The following RBM6 variants were observed in gnomAD, a reference collection of about 807,000 sequenced individuals.
RBM6 encodes the protein RNA-binding protein 6.
RBM6 carries 23 observed loss-of-function variants against 140.4 expected under a neutral mutation model. The observed-to-expected ratio is 0.16, with a 90% CI of 0.12 to 0.23. RBM6 has a LOEUF of 0.23. RBM6 is among the 10% of genes least tolerant of loss of function. The probability of loss-of-function intolerance (pLI) is 1.00; values close to 1 mark genes in which losing one functional copy is unlikely to be tolerated. For synonymous variants in RBM6, 439 were observed against 475.6 expected (o/e 0.92, Z 1.00); for missense variants, 1,139 against 1,386.7 (o/e 0.82, Z 2.84).
chr3:50,038,261 C>G (rs935412256), intron 6 of RBM6, among the ~76,000 whole-genome samples: 2 of 152,108 alleles, frequency 1.3e-5, no homozygotes, highest in Admixed American at 1.3e-4. Flanking sequence ...CCTCAGTCTG[C>G]TCTCTTGGCT....
At chr3:50,021,740 CTTTTTTTT>C (rs542734328) in intron 6 of RBM6, among the ~76,000 whole-genome samples, 1 of 42,748 alleles carries the variant, frequency 2.3e-5, no homozygotes, top group Non-Finnish European at 4.1e-5. Context: ...AATTTAAGTG[CTTTTTTTT>C]TTTTTTTTTT....
chr3:50,075,156 CAAAA>C (rs376657561), intron 19 of RBM6, 41 bp from the exon 20 acceptor site: 142 of 1,408,504 alleles, frequency 1.0e-4, no homozygotes, highest in Admixed American at 2.2e-4. Flanking sequence ...AACTCCGTCT[CAAAA>C]AAAAAAAAAA....
intron 1 of RBM6, among the ~76,000 whole-genome samples, chr3:49,958,666 G>A (rs1228530195): frequency 4.0e-5 from 6 of 151,690 alleles, no homozygotes; most frequent in Admixed American, 1.3e-4. Context: ...CAGGAGAATG[G>A]CATGAACCCA....
At chr3:50,041,283 C>T (rs144057245) in intron 6 of RBM6, among the ~76,000 whole-genome samples, 1 of 152,236 alleles carries the variant, frequency 6.6e-6, no homozygotes, top group Non-Finnish European at 1.5e-5. Flanking sequence ...GCTCAAAGTG[C>T]AGCTCAGATC....
chr3:49,999,723 G>A (rs1206994407), intron 6 of RBM6, among the ~76,000 whole-genome samples: 1 of 151,366 alleles, frequency 6.6e-6, no homozygotes, highest in Non-Finnish European at 1.5e-5. Flanking sequence ...CATTTTAAAA[G>A]CTAGAGCCCA....
At chr3:49,999,122 G>A (rs150210249) in intron 5 of RBM6, among the ~76,000 whole-genome samples, 1 of 149,662 alleles carries the variant, frequency 6.7e-6, no homozygotes, top group Non-Finnish European at 1.5e-5. Context: ...AAAATGTTTC[G>A]GGTCCCCACG....
chr3:49,982,085 C>G (rs146001049), intron 5 of RBM6, among the ~76,000 whole-genome samples: 1 of 151,934 alleles, frequency 6.6e-6, no homozygotes, highest in Non-Finnish European at 1.5e-5. Context: ...TGCTTTAGCC[C>G]GTCAGTGTTC....
chr3:50,068,810 C>T (rs2090197564), intron 18 of RBM6, 46 bp downstream of exon 18: 1 of 1,540,386 alleles, frequency 6.5e-7, no homozygotes, highest in African/African-American at 1.4e-5. Flanking sequence ...GCTCTTTTTG[C>T]TTTCTGATAT....
rs1046849149 is a variant in RBM6 at position 50,036,522 on chromosome 3, T to TA, written c.1558-11711dup. On this transcript the variant is annotated intron_variant, in intron 6 of 20. Coordinates refer to ENST00000266022, the MANE Select transcript of RBM6 (RefSeq NM_005777.3). ...CCCTCACTCTATACATATCTGCTGTTAAAAAAAAAAAAGTTAAGATATTAT... is the reference window on the plus strand; with the variant it reads ...CCCTCACTCTATACATATCTGCTGTTAAAAAAAAAAAAAGTTAAGATATTAT... Among the ~76,000 whole-genome samples the TA allele has an allele frequency of 7.9e-3, 1,152 of 145,530 alleles. 15 individuals carry two copies. Among genetic ancestry groups the TA allele is most frequent in the African/African-American group, 0.026 (1,051 of 39,938 alleles).
chr3:50,046,688 C>T (rs1182983185), intron 6 of RBM6, among the ~76,000 whole-genome samples: 2 of 152,042 alleles, frequency 1.3e-5, no homozygotes, highest in African/African-American at 4.8e-5. Context: ...GCATACAGAG[C>T]CTGTCTCTTT....
chr3:50,052,049 A>G (rs1472117316), intron 7 of RBM6, among the ~76,000 whole-genome samples: 2 of 152,158 alleles, frequency 1.3e-5, no homozygotes, highest in Non-Finnish European at 2.9e-5. Flanking sequence ...TACACATAAA[A>G]TAGGTAAACT....
At chr3:50,058,360 C>T in intron 9 of RBM6, 42 bp from the exon 10 acceptor site, 7 of 1,556,474 alleles carry the variant, frequency 4.5e-6, no homozygotes, top group Non-Finnish European at 6.2e-6. Flanking sequence ...ATTTATCTTT[C>T]TCTCCCTTGT....
intron 6 of RBM6, among the ~76,000 whole-genome samples, chr3:50,019,400 TATACC>T (rs1195173760): frequency 1.3e-5 from 2 of 152,196 alleles, no homozygotes; most frequent in East Asian, 3.9e-4. Context: ...TTCTAATCCA[TATACC>T]TTTTATGTCC....
At chr3:49,974,586 A>C (rs1442835944) in intron 4 of RBM6, among the ~76,000 whole-genome samples, 1 of 145,408 alleles carries the variant, frequency 6.9e-6, no homozygotes, top group Admixed American at 7.0e-5. Context: ...GTTAGCCAGG[A>C]TGGTCTCAAT....
At chr3:49,950,803 C>T (rs751356827) in intron 1 of RBM6, among the ~76,000 whole-genome samples, 2 of 150,908 alleles carry the variant, frequency 1.3e-5, no homozygotes, top group Non-Finnish European at 3.0e-5. Context: ...AATAGAATTA[C>T]CATGTGATCT....
At chr3:49,995,008 C>T (rs996867618) in intron 5 of RBM6, among the ~76,000 whole-genome samples, 1 of 152,080 alleles carries the variant, frequency 6.6e-6, no homozygotes, top group African/African-American at 2.4e-5. Context: ...TTAAACCATA[C>T]AGGGTTATGT....
intron 6 of RBM6, among the ~76,000 whole-genome samples, chr3:50,000,313 A>G (rs1575652624): frequency 1.4e-5 from 2 of 147,422 alleles, no homozygotes; most frequent in South Asian, 4.3e-4. Context: ...AGGAAAAGAA[A>G]CTTAGGAATA....
intron 6 of RBM6, among the ~76,000 whole-genome samples, chr3:50,016,224 A>G (rs181095174): frequency 6.6e-5 from 10 of 152,308 alleles, no homozygotes; most frequent in Admixed American, 5.2e-4. Context: ...TTTATAATAC[A>G]CTTAGCTAAG....
chr3:50,046,711 C>G (rs1200646232), intron 6 of RBM6, among the ~76,000 whole-genome samples: 1 of 152,124 alleles, frequency 6.6e-6, no homozygotes, highest in African/African-American at 2.4e-5. Context: ...TGATTGGTCC[C>G]TAAGGCCAGA....
Sources: allele counts gnomAD v4.1 joint callset (sites outside exome capture counted in the v4.1 genomes callset), GRCh38; gene constraint gnomAD v4.1.1; transcripts MANE v1.5; gene names NCBI Gene and HGNC (gene_info 2026-07-23, HGNC 2026-07-21).